ULK2: variants seen among roughly 807,000 people sequenced by gnomAD.
The protein encoded by ULK2 is unc-51 like autophagy activating kinase 2.
A neutral mutation model predicts 127.5 loss-of-function variants in ULK2; 76 were observed. The observed-to-expected ratio is 0.60, with a 90% CI of 0.50 to 0.72. The LOEUF is 0.72. ULK2 is among the 30% of genes least tolerant of loss of function. The pLI is 0.00. For missense variants in ULK2, 1,144 were observed against 1,295.9 expected (o/e 0.88, Z 1.80); for synonymous variants, 452 against 461.9 (o/e 0.98, Z 0.28).
intron 3 of ULK2, among the ~76,000 whole-genome samples, chr17:19,850,660 A>ACTAAAAATACAAAAATTAGCCGGGCGTGG (rs2041993410): frequency 1.3e-5 from 2 of 151,934 alleles, no homozygotes; most frequent in African/African-American, 2.4e-5. Context: ...CCCCATCTCT[A>ACTAAAAATACAAAAATTAGCCGGGCGTGG]CTAAAAATAC....
chr17:19,841,485 A>ATACC lies in ULK2; in HGVS notation c.704_704+3dup, dbSNP rs774521817. 1 of 1,592,488 alleles carries ATACC rather than the reference A, an allele frequency of 6.3e-7. No homozygotes were observed. The highest frequency in any genetic ancestry group is 8.5e-7 in the Non-Finnish European group (1 of 1,174,104). ...GTAAAACCCAGTGTAATCTAAACAC[A>ATACC]TACCTAGGCATTAAGCTCCTGTTTT... On this transcript the variant is annotated splice_donor_region_variant and intron_variant, in intron 9 of 26. Coordinates refer to ENST00000395544, the MANE Select transcript of ULK2 (RefSeq NM_014683.4).
chr17:19,860,586 G>T (rs938957632), intron 3 of ULK2, among the ~76,000 whole-genome samples: 1 of 149,184 alleles, frequency 6.7e-6, no homozygotes, highest in African/African-American at 2.5e-5. Context: ...GTGCAATGGC[G>T]CGATCTCGGC....
At chr17:19,806,774 G>C (rs1410091894) in intron 14 of ULK2, among the ~76,000 whole-genome samples, 1 of 152,176 alleles carries the variant, frequency 6.6e-6, no homozygotes, top group Non-Finnish European at 1.5e-5. Flanking sequence ...ACCTCCACTA[G>C]GGCCTACAAT....
chr17:19,786,210 TTACAAAAAG>T, intron 20 of ULK2, 124 bp from the exon 21 acceptor site: 1 of 780,418 alleles, frequency 1.3e-6, no homozygotes, highest in Non-Finnish European at 1.9e-6. Flanking sequence ...TTCCCTCTTC[TTACAAAAAG>T]TACTTATTGC....
intron 13 of ULK2, among the ~76,000 whole-genome samples, chr17:19,814,456 T>TTTGTTTTTTTG (rs1555557155): frequency 3.8e-4 from 7 of 18,254 alleles, no homozygotes; most frequent in Non-Finnish European, 5.5e-4. Flanking sequence ...TTTTTTTTTT[T>TTTGTTTTTTTG]TTTTTTTGGA....
At chr17:19,866,268 G>A (rs2042348922) in intron 1 of ULK2, among the ~76,000 whole-genome samples, 1 of 151,992 alleles carries the variant, frequency 6.6e-6, no homozygotes, top group Admixed American at 6.6e-5. Context: ...GCTGAGGCGG[G>A]CAGATCGGAT....
In ULK2 at chr17:19,825,128, C is replaced by T. The variant is rs760068253; in HGVS notation, c.890G>A (p.Gly297Asp). 14 of 1,614,038 alleles carry T rather than the reference C, an allele frequency of 8.7e-6. No individual in the cohort carries two copies. Among genetic ancestry groups the T allele is most frequent in the Non-Finnish European group, 1.1e-5 (13 of 1,180,036 alleles). The change falls in exon 12 of 27, where the codon GGC becomes GAC. Residue 297 changes from glycine (G) to aspartate (D), a missense_variant. Around this residue, in one of 2 missense-constraint regions of ULK2, gnomAD observed 913 missense variants for 970.5 expected, o/e 0.94. Coordinates refer to ENST00000395544, the MANE Select transcript of ULK2 (RefSeq NM_014683.4). ...AGCAAAACGACAAGATGGAGAGCTG[C>T]CACAGGAGCTTCCAGAGACAGAACC... ...YSGSVSGSSC[G>D]SSPSCRFASP... is the part of the protein sequence containing the mutation.
intron 10 of ULK2, among the ~76,000 whole-genome samples, chr17:19,837,315 G>A (rs1249595246): frequency 4.6e-5 from 7 of 152,056 alleles, no homozygotes; most frequent in African/African-American, 1.7e-4. Flanking sequence ...AGGTACTGGG[G>A]AGGCTGAGGT....
intron 6 of ULK2, among the ~76,000 whole-genome samples, chr17:19,845,638 T>C (rs1420585076): frequency 6.6e-6 from 1 of 152,154 alleles, no homozygotes; most frequent in African/African-American, 2.4e-5. Context: ...AAAATGCTAA[T>C]TATAATAAGT....
In ULK2 at chr17:19,861,242, C is replaced by A. The variant is rs190628928; in HGVS notation, c.225+3561G>T. ...CTGGTACTAAAAAATACTTTTCATT[C>A]TGATAGAAAATAATCTAAGCAAGGC... On this transcript the variant is annotated intron_variant, in intron 3 of 26. Coordinates refer to ENST00000395544, the MANE Select transcript of ULK2 (RefSeq NM_014683.4). Among the ~76,000 whole-genome samples, 37 of 152,206 alleles carry A rather than the reference C, an allele frequency of 2.4e-4. No individual in the cohort carries two copies. In the East Asian group the frequency reaches 6.8e-3, roughly 28 times the overall value.
chr17:19,854,857 T>C (rs964742361), intron 3 of ULK2, among the ~76,000 whole-genome samples: 3 of 151,932 alleles, frequency 2.0e-5, no homozygotes, highest in East Asian at 1.9e-4. Context: ...TCCCAGCACT[T>C]TGGGAGGCAG....
At chr17:19,824,992 A>C in intron 12 of ULK2, 102 bp downstream of exon 12, 6 of 1,130,130 alleles carry the variant, frequency 5.3e-6, no homozygotes, top group Non-Finnish European at 7.7e-6. Flanking sequence ...ATTAGTAAAC[A>C]TTACACATAA....
chr17:19,824,495 A>G (rs1277434631), intron 12 of ULK2, among the ~76,000 whole-genome samples: 1 of 140,220 alleles, frequency 7.1e-6, no homozygotes, highest in Admixed American at 7.1e-5. Context: ...AGAGTGGAGT[A>G]GGAAGAAGTG....
In ULK2 at chr17:19,867,586, G is replaced by A. The variant is rs1013216845; in HGVS notation, c.-169C>T. The A allele has an allele frequency of 9.1e-6, 3 of 329,842 alleles. No individual in the cohort carries two copies. Among genetic ancestry groups the A allele is most frequent in the East Asian group, 5.5e-5 (1 of 18,280 alleles). The allele number at this position is 329,842 out of a possible 1,614,324, so 20.4% of individuals were successfully genotyped here. On this transcript the variant is annotated 5_prime_UTR_variant, in exon 1 of 27. Coordinates refer to ENST00000395544, the MANE Select transcript of ULK2 (RefSeq NM_014683.4). ...GCCGAGAGACCGGAGCGGAAACTGG[G>A]GAAGCTGCCGCGCGGAGCCAGGGTC...
At chr17:19,827,969 G>A (rs1193613504) in intron 10 of ULK2, among the ~76,000 whole-genome samples, 1 of 149,862 alleles carries the variant, frequency 6.7e-6, no homozygotes, top group Admixed American at 6.7e-5. Flanking sequence ...GACCCACACA[G>A]AGTTACAGAA....
In ULK2 at chr17:19,781,893, A is replaced by G. The variant is rs747267649; in HGVS notation, c.2635T>C (p.Trp879Arg). The G allele has an allele frequency of 6.2e-7, 1 of 1,612,462 alleles. No individual in the cohort carries two copies. Among genetic ancestry groups the G allele is most frequent in the Admixed American group, 1.7e-5 (1 of 59,714 alleles). Residue 879 changes from tryptophan to arginine, a missense_variant, in exon 23 of 27, where the codon TGG (tryptophan) becomes CGG (arginine). Trp to Arg is a moderately radical substitution (Grantham distance 101). This residue lies in a region of ULK2 where 913 missense variants were observed against 970.5 expected (regional missense o/e 0.94). Coordinates refer to ENST00000395544, the MANE Select transcript of ULK2 (RefSeq NM_014683.4). The part of the protein sequence containing the change: ...VDQISQLSKD[W>R]GRVEQLVLYM... ...GAATGACAAGGGGGCACCCACCCCCAGTCTTTGCTCAGCTGACTGATCTGG... is the reference window on the plus strand; with the variant it reads ...GAATGACAAGGGGGCACCCACCCCCGGTCTTTGCTCAGCTGACTGATCTGG...
intron 21 of ULK2, among the ~76,000 whole-genome samples, chr17:19,785,616 T>C (rs1452294745): frequency 2.0e-5 from 3 of 152,034 alleles, no homozygotes; most frequent in Non-Finnish European, 4.4e-5. Context: ...ATATATAAGC[T>C]GAGAAGAACC....
chr17:19,771,705 A>G lies in ULK2; in HGVS notation c.*4644T>C, dbSNP rs114534834. On this transcript the variant is annotated 3_prime_UTR_variant, in exon 27 of 27. Coordinates refer to ENST00000395544, the MANE Select transcript of ULK2 (RefSeq NM_014683.4). ...CTTCCCCCACTGACAGATTCGGAGG[A>G]GGGGAGGAACTTGCCAAAGAACACA... is the stretch of plus-strand genomic sequence containing the variant. The G allele has an allele frequency of 3.3e-5, 5 of 152,132 alleles. No homozygotes were observed. Among genetic ancestry groups the G allele is most frequent in the African/African-American group, 1.2e-4 (5 of 41,418 alleles). The allele number at this position is 152,132 out of a possible 1,614,324, so 9.4% of individuals were successfully genotyped here.
At chr17:19,860,819 T>G (rs775750907) in intron 3 of ULK2, 1 of 152,148 alleles carries the variant, frequency 6.6e-6, no homozygotes, top group Non-Finnish European at 1.5e-5. Context: ...CCACCGCGCT[T>G]GGCCTGACAC....
Sources: gnomAD v4.1 joint callset for allele counts (sites outside exome capture counted in the v4.1 genomes callset) on GRCh38, gnomAD v4.1.1 for gene constraint, gnomAD v4.1.1 regional missense constraint, MANE v1.5 for transcripts, NCBI Gene and HGNC (gene_info 2026-07-23, HGNC 2026-07-21) for gene names.